ZNF596: variants seen among roughly 807,000 people sequenced by gnomAD.
ZNF596 encodes the protein zinc finger protein 596.
In ZNF596, 45 loss-of-function variants were observed where a neutral mutation model predicts 48.3. That is an observed-to-expected ratio of 0.93 (90% CI 0.73 to 1.19). The LOEUF (loss-of-function observed/expected upper bound fraction) is 1.19. ZNF596 is among the 50% of genes most tolerant of loss of function. ZNF596 has a pLI of 0.00. For missense variants in ZNF596, 848 were observed against 599.7 expected (o/e 1.41, Z -4.32); for synonymous variants, 270 against 202.0 (o/e 1.34, Z -2.85).
At chr8:237,532 A>C (rs1796668250) in intron 1 of ZNF596, 2 of 152,082 alleles carry the variant, frequency 1.3e-5, no homozygotes, top group African/African-American at 4.8e-5. Context: ...TACCCCTTTG[A>C]TTTTACTGGT....
Position 243,699 on chromosome 8 carries a change from A to C in ZNF596, c.140-23A>C, listed in dbSNP as rs202085971. ...TTTGTCAGCACAGAACTCAAAATCC[A>C]TGTATCTTTTTCCCCAAAACAGGCA... On this transcript the variant is annotated intron_variant, in intron 3 of 5. Coordinates refer to ENST00000398612, the MANE Select transcript of ZNF596 (RefSeq NM_001042416.3). 234 of 1,611,624 alleles carry C rather than the reference A, an allele frequency of 1.5e-4. No homozygotes were observed. The African/African-American group carries it at 2.9e-3, about 20-fold the overall frequency.
chr8:233,330 G>A (rs1796494724), intron 1 of ZNF596: 1 of 320,990 alleles, frequency 3.1e-6, no homozygotes, highest in South Asian at 2.9e-5. Flanking sequence ...ATGGTTTTCT[G>A]ATTTCCAAAT....
chr8:233,645 G>C (rs970906442), intron 1 of ZNF596: 6 of 152,754 alleles, frequency 3.9e-5, no homozygotes, highest in Non-Finnish European at 7.3e-5. Flanking sequence ...CTAGAACTTT[G>C]TTCCAACAGA....
intron 4 of ZNF596, chr8:244,332 G>A (rs1035739383): frequency 2.8e-6 from 1 of 360,904 alleles, no homozygotes; most frequent in Admixed American, 4.7e-5. Context: ...TTTGTAAAGG[G>A]GATATTTGTG....
In ZNF596 at chr8:246,636, A is replaced by C. The variant is rs1445679909; in HGVS notation, c.*274A>C. ...ACAGCTCTGTTAAATAAATGGGAGA[A>C]ATCACATCACGAAAATTCTGTGCCT... is the stretch of plus-strand genomic sequence containing the variant. On this transcript the variant is annotated 3_prime_UTR_variant, in exon 6 of 6. Transcript: ENST00000398612. 6.1e-5 allele frequency: 19 copies of C among 311,594 alleles called. No homozygotes were observed. The highest frequency in any genetic ancestry group is 9.9e-5 in the Non-Finnish European group (17 of 171,196). 19.3% of individuals were successfully genotyped at this position (311,594 alleles called of 1,614,324 possible).
At position 246,029 on chromosome 8, in the gene ZNF596, T is replaced by G. The variant is rs201577009; in HGVS notation, c.1182T>G (p.His394Gln). ...CTGGAGAGAAACCATATGAGTGCCA[T>G]GTATGTGGGAAAGCCTTCACTGAAT... ...IHTGEKPYEC[H>Q]VCGKAFTESS... The change falls in exon 6 of 6, where the codon CAT (histidine) becomes CAG (glutamine). Residue 394 changes from histidine (H) to glutamine (Q), a missense_variant. His to Gln is a conservative substitution (Grantham distance 24, BLOSUM62 0). Coordinates refer to ENST00000398612, the MANE Select transcript of ZNF596 (RefSeq NM_001042416.3). 5 of 1,614,072 alleles carry G rather than the reference T, an allele frequency of 3.1e-6. No homozygotes were observed. The highest frequency in any genetic ancestry group is 1.3e-5 in the African/African-American group (1 of 75,018).
intron 1 of ZNF596, chr8:237,572 A>G (rs1181612294): frequency 6.6e-6 from 1 of 152,066 alleles, no homozygotes; most frequent in African/African-American, 2.4e-5. Context: ...ACTGAGACGG[A>G]AAAAAAAGTC....
Position 246,322 on chromosome 8 carries a change from A to C in ZNF596, c.1475A>C (p.Gln492Pro). 5 of 1,597,820 alleles carry C rather than the reference A, an allele frequency of 3.1e-6. No homozygotes were observed. The highest frequency in any genetic ancestry group is 4.3e-6 in the Non-Finnish European group (5 of 1,174,868). Residue 492 changes from glutamine (Q) to proline (P), a missense_variant, in exon 6 of 6, where the codon CAA becomes CCA. By Grantham distance (76) the Gln-to-Pro change is moderately conservative. Coordinates refer to ENST00000398612, the MANE Select transcript of ZNF596 (RefSeq NM_001042416.3). ...KAFSKFFNLR[Q>P]HERTHTKKAM... Reference sequence around the variant, plus strand: ...TTTAGTAAATTTTTTAACCTTAGACAACATGAGAGAACTCACACTAAAAAA... The same window carrying C: ...TTTAGTAAATTTTTTAACCTTAGACCACATGAGAGAACTCACACTAAAAAA...
intron 1 of ZNF596, among the ~76,000 whole-genome samples, chr8:236,529 G>A (rs536055457): frequency 1.6e-3 from 248 of 152,180 alleles, no homozygotes; most frequent in Non-Finnish European, 2.8e-3. Flanking sequence ...GTTAACTGCT[G>A]AATATATTGT....
intron 4 of ZNF596, chr8:244,126 G>T: frequency 4.7e-6 from 1 of 211,168 alleles, no homozygotes; most frequent in Non-Finnish European, 9.4e-6. Context: ...CTGACCTCAA[G>T]AAATCCACCC....
Position 246,392 on chromosome 8 carries a change from T to G in ZNF596, c.*30T>G, listed in dbSNP as rs759478352. On this transcript the variant is annotated 3_prime_UTR_variant, in exon 6 of 6. Transcript: ENST00000398612. ...CATCAGCTGTAGCGTTAACACTAAATACACCAAGGACAAACATACTACAGG... is the reference window on the plus strand; with the variant it reads ...CATCAGCTGTAGCGTTAACACTAAAGACACCAAGGACAAACATACTACAGG... 3.1e-5 allele frequency: 47 copies of G among 1,540,160 alleles called. No individual in the cohort carries two copies. The East Asian group carries it at 9.2e-4, about 30-fold the overall frequency.
In ZNF596 at chr8:246,263, G is replaced by T. The variant is rs373667182; in HGVS notation, c.1416G>T (p.Glu472Asp). ...FRLHRRVHTG[E>D]KPYVCPLCGK... ...TTCATAGAAGAGTTCACACTGGAGA[G>T]AAACCATATGTATGTCCTCTATGTG... Residue 472 changes from glutamate (E) to aspartate (D), a missense_variant, in exon 6 of 6, where the codon GAG (glutamate) becomes GAT (aspartate). Glu to Asp is a conservative substitution (Grantham distance 45, BLOSUM62 2). Transcript: ENST00000398612. 1.9e-6 allele frequency: 3 copies of T among 1,612,958 alleles called. No homozygotes were observed. Among genetic ancestry groups the T allele is most frequent in the East Asian group, 2.2e-5 (1 of 44,776 alleles).
At chr8:243,880 C>A in intron 4 of ZNF596, 75 bp downstream of exon 4, 1 of 1,271,152 alleles carries the variant, frequency 7.9e-7, no homozygotes, top group Non-Finnish European at 1.1e-6. Flanking sequence ...CCAACAGTTG[C>A]CAAAGGAAGA....
chr8:245,166 C>A lies in ZNF596; in HGVS notation c.319C>A (p.Gln107Lys). Residue 107 changes from glutamine (Q) to lysine (K), a missense_variant, in exon 6 of 6, where the codon CAA becomes AAA. By Grantham distance (53) the Gln-to-Lys change is moderately conservative. Transcript: ENST00000398612. ...STISTMRSHT[Q>K]EDPFLCNDLG... is the part of the protein sequence containing the mutation. ...TTCCCAAAACCAGAGATCTCATACT[C>A]AAGAGGATCCTTTTCTATGCAATGA... 1.3e-6 allele frequency: 2 copies of A among 1,592,330 alleles called. No individual in the cohort carries two copies. The highest frequency in any genetic ancestry group is 2.3e-5 in the South Asian group (2 of 87,534).
intron 3 of ZNF596, 56 bp downstream of exon 3, chr8:243,069 T>G: frequency 6.7e-7 from 1 of 1,502,282 alleles, no homozygotes; most frequent in Non-Finnish European, 9.1e-7. Context: ...ACTCACTCAT[T>G]TTTCACTGAT....
intron 1 of ZNF596, among the ~76,000 whole-genome samples, chr8:239,038 A>G (rs897848797): frequency 1.3e-5 from 2 of 152,188 alleles, no homozygotes; most frequent in African/African-American, 2.4e-5. Context: ...CAAGGCTTCA[A>G]GAGCTGACTT....
Position 246,927 on chromosome 8 carries a change from C to G in ZNF596, c.*565C>G, listed in dbSNP as rs933539523. ...TATTCAATGAAAACTCATGAGAAAT[C>G]CTTTTCTTAATACAGCAGCACTTCT... On this transcript the variant is annotated 3_prime_UTR_variant, in exon 6 of 6. Transcript: ENST00000398612. 2 of 153,600 alleles carry G rather than the reference C, an allele frequency of 1.3e-5. No homozygotes were observed. Among genetic ancestry groups the G allele is most frequent in the African/African-American group, 4.8e-5 (2 of 41,448 alleles). 9.5% of individuals were successfully genotyped at this position (153,600 alleles called of 1,614,324 possible).
chr8:243,358 G>A (rs968311629), intron 3 of ZNF596: 1 of 279,626 alleles, frequency 3.6e-6, no homozygotes, highest in Non-Finnish European at 6.8e-6. Context: ...CTATCATAGG[G>A]ACTGTTCTGC....
chr8:241,471 T>C (rs191680782), intron 2 of ZNF596, among the ~76,000 whole-genome samples: 5 of 152,302 alleles, frequency 3.3e-5, no homozygotes, highest in Admixed American at 2.6e-4. Context: ...ATGTGAACTT[T>C]TGAAAAACTT....
Sources: gnomAD v4.1 joint callset for allele counts (sites outside exome capture counted in the v4.1 genomes callset) on GRCh38, gnomAD v4.1.1 for gene constraint, MANE v1.5 for transcripts, NCBI Gene and HGNC (gene_info 2026-07-23, HGNC 2026-07-21) for gene names.